LPP: variants seen among roughly 807,000 people sequenced by gnomAD.
The protein encoded by LPP is lipoma-preferred partner.
LPP carries 38 observed loss-of-function variants against 60.4 expected under a neutral mutation model. The observed-to-expected ratio is 0.63, with a 90% CI of 0.49 to 0.83. LPP has a LOEUF of 0.83. LPP is among the 40% of genes least tolerant of loss of function. The pLI, the probability that LPP is intolerant of heterozygous loss-of-function variation, is 0.00. For synonymous variants in LPP, 328 were observed against 290.8 expected (o/e 1.13, Z -1.30); for missense variants, 902 against 783.6 (o/e 1.15, Z -1.80).
chr3:188,863,524 C>G (rs1183877543), intron 9 of LPP, among the ~76,000 whole-genome samples: 1 of 152,184 alleles, frequency 6.6e-6, no homozygotes, highest in Non-Finnish European at 1.5e-5. Context: ...TCCCAGCCCC[C>G]TCCTCCTGAC....
At chr3:188,478,650 A>G (rs1349511097) in intron 4 of LPP, among the ~76,000 whole-genome samples, 1 of 152,146 alleles carries the variant, frequency 6.6e-6, no homozygotes, top group Non-Finnish European at 1.5e-5. Flanking sequence ...AATAAAGGGT[A>G]GAGCTGGGGT....
chr3:188,704,093 C>T (rs1342583398), intron 7 of LPP, among the ~76,000 whole-genome samples: 1 of 152,132 alleles, frequency 6.6e-6, no homozygotes, highest in Non-Finnish European at 1.5e-5. Flanking sequence ...CTAGCACTCT[C>T]TGTGGGAAGC....
At chr3:188,862,250 C>T (rs1196328477) in intron 9 of LPP, among the ~76,000 whole-genome samples, 2 of 152,130 alleles carry the variant, frequency 1.3e-5, no homozygotes, top group Non-Finnish European at 2.9e-5. Flanking sequence ...AACACAACCT[C>T]AGACTATGGC....
intron 2 of LPP, among the ~76,000 whole-genome samples, chr3:188,275,505 G>T (rs896559198): frequency 3.3e-5 from 5 of 152,082 alleles, no homozygotes; most frequent in South Asian, 2.1e-4. Flanking sequence ...GACGGTGGGT[G>T]TGCACCACTG....
chr3:188,244,070 C>A (rs929640440), intron 2 of LPP, among the ~76,000 whole-genome samples: 1 of 152,012 alleles, frequency 6.6e-6, no homozygotes, highest in Non-Finnish European at 1.5e-5. Context: ...GGGGTTTCAC[C>A]GTGTTGTGCA....
intron 7 of LPP, among the ~76,000 whole-genome samples, chr3:188,683,658 A>G (rs1010573830): frequency 2.6e-5 from 4 of 152,326 alleles, no homozygotes; most frequent in Admixed American, 2.6e-4. Context: ...CCCCAAATGA[A>G]GGAAGACCCC....
intron 6 of LPP, among the ~76,000 whole-genome samples, chr3:188,589,793 C>A (rs545900761): frequency 9.7e-4 from 148 of 152,244 alleles, no homozygotes; most frequent in African/African-American, 3.4e-3. Flanking sequence ...TTTATTATTA[C>A]ATTTTTAAAA....
At chr3:188,372,579 A>G (rs575246521) in intron 3 of LPP, among the ~76,000 whole-genome samples, 4 of 151,748 alleles carry the variant, frequency 2.6e-5, no homozygotes, top group South Asian at 2.1e-4. Context: ...TTCTCTTCTG[A>G]TTAGTGTTCC....
intron 6 of LPP, among the ~76,000 whole-genome samples, chr3:188,533,378 A>G (rs1389929622): frequency 6.6e-5 from 10 of 152,380 alleles, no homozygotes; most frequent in Non-Finnish European, 1.3e-4. Flanking sequence ...CCTACAGACT[A>G]GAAACTTTGC....
In LPP at chr3:188,689,381, G is replaced by A. The variant is rs139986650; in HGVS notation, c.1114-18886G>A. Among the ~76,000 whole-genome samples, 515 of 152,298 alleles carry A rather than the reference G, an allele frequency of 3.4e-3. 2 individuals carry two copies. Among genetic ancestry groups the A allele is most frequent in the Middle Eastern group, 0.01 (3 of 294 alleles). The stretch of plus-strand genomic sequence containing the variant: ...GGCCAGAATGCTATTATTTCACCAA[G>A]GGCAACAAATCTTCTTGGCAGGAAA... On this transcript the variant is annotated intron_variant, in intron 7 of 11. Coordinates refer to ENST00000617246, the MANE Select transcript of LPP (RefSeq NM_001375462.1).
intron 1 of LPP, among the ~76,000 whole-genome samples, chr3:188,215,831 T>C (rs1316521886): frequency 1.3e-5 from 2 of 152,198 alleles, no homozygotes; most frequent in East Asian, 1.9e-4. Context: ...TGGATTCTAA[T>C]TGGCAAGAGT....
At chr3:188,236,110 T>C (rs1446954646) in intron 2 of LPP, among the ~76,000 whole-genome samples, 1 of 152,114 alleles carries the variant, frequency 6.6e-6, no homozygotes, top group Non-Finnish European at 1.5e-5. Flanking sequence ...AATTAATGAG[T>C]AAATATGTAA....
rs1367782859 is a variant in LPP, at chr3:188,753,561, G to T, written c.1241-6552G>T. ...GAACTCCTCTCCCTGACAACCTTGG[G>T]GTTTTGGCTTGTTGTGTGCGTGTGT... On this transcript the variant is annotated intron_variant, in intron 8 of 11. Coordinates refer to ENST00000617246, the MANE Select transcript of LPP (RefSeq NM_001375462.1). Among the ~76,000 whole-genome samples, 8 of 148,406 alleles carry T rather than the reference G, an allele frequency of 5.4e-5. No homozygotes were observed. The East Asian group carries it at 1.4e-3, about 26-fold the overall frequency.
intron 1 of LPP, among the ~76,000 whole-genome samples, chr3:188,156,721 C>T (rs561717467): frequency 6.6e-6 from 1 of 152,090 alleles, no homozygotes; most frequent in Non-Finnish European, 1.5e-5. Flanking sequence ...GTAGTAGTAC[C>T]AGCTGCTTGG....
intron 6 of LPP, among the ~76,000 whole-genome samples, chr3:188,541,210 A>G (rs1040101796): frequency 6.6e-6 from 1 of 152,202 alleles, no homozygotes; most frequent in Non-Finnish European, 1.5e-5. Flanking sequence ...TTTATTGTTC[A>G]TCTGATTGAC....
chr3:188,667,337 G>T (rs1029554765), intron 7 of LPP, among the ~76,000 whole-genome samples: 4 of 151,934 alleles, frequency 2.6e-5, no homozygotes, highest in Admixed American at 1.3e-4. Context: ...AATTAGCCGG[G>T]CGTGGTGGTG....
intron 6 of LPP, among the ~76,000 whole-genome samples, chr3:188,607,060 C>A (rs1208724101): frequency 2.0e-5 from 3 of 151,062 alleles, no homozygotes; most frequent in Admixed American, 2.0e-4. Flanking sequence ...AGACCTAACT[C>A]CTTAAAAGTA....
chr3:188,506,841 A>G (rs1813616807), intron 5 of LPP, among the ~76,000 whole-genome samples: 1 of 152,096 alleles, frequency 6.6e-6, no homozygotes, highest in Non-Finnish European at 1.5e-5. Context: ...TCTGTTGCCC[A>G]GGCTGGAGTG....
intron 10 of LPP, among the ~76,000 whole-genome samples, chr3:188,868,552 G>A (rs1263145613): frequency 1.3e-5 from 2 of 152,192 alleles, no homozygotes; most frequent in Admixed American, 1.3e-4. Context: ...CAGGTATGTA[G>A]GGAGAGAAGT....
Sources: allele counts gnomAD v4.1 joint callset (sites outside exome capture counted in the v4.1 genomes callset), GRCh38; gene constraint gnomAD v4.1.1; transcripts MANE v1.5; gene names NCBI Gene and HGNC (gene_info 2026-07-23, HGNC 2026-07-21).